SEC63: variants seen among roughly 807,000 people sequenced by gnomAD.
SEC63 encodes the protein translocation protein SEC63 homolog.
SEC63 carries 56 observed loss-of-function variants against 116.2 expected under a neutral mutation model. The ratio of observed to expected loss-of-function variants is 0.48; its 90% CI spans 0.39 to 0.60. SEC63 has a LOEUF of 0.60. Among genes scored for constraint, SEC63 ranks in the 20% least tolerant of loss-of-function variants. SEC63 has a pLI of 0.00. For missense variants in SEC63, 668 were observed against 900.0 expected, an observed-to-expected ratio of 0.74 and a Z score of 3.30; for synonymous variants, 273 against 294.6, an observed-to-expected ratio of 0.93 and a Z score of 0.75.
chr6:107,886,243 T>C (rs1235743077), intron 16 of SEC63, among the ~76,000 whole-genome samples: 1 of 152,224 alleles, frequency 6.6e-6, no homozygotes. Context: ...CCACATTTTC[T>C]TTATCCAGTC....
At chr6:107,953,895 G>A (rs1220539465) in intron 1 of SEC63, among the ~76,000 whole-genome samples, 1 of 151,384 alleles carries the variant, frequency 6.6e-6, no homozygotes, top group African/African-American at 2.4e-5. Context: ...GGTGAGGGGC[G>A]CCTCTCCTCA....
At chr6:107,894,469 T>C (rs1241390076) in intron 14 of SEC63, among the ~76,000 whole-genome samples, 5 of 150,628 alleles carry the variant, frequency 3.3e-5, no homozygotes, top group Non-Finnish European at 4.4e-5. Context: ...ACCCCAAGAG[T>C]TTGAGACTAA....
intron 16 of SEC63, among the ~76,000 whole-genome samples, chr6:107,889,129 CT>C (rs1411550237): frequency 6.6e-6 from 1 of 152,194 alleles, no homozygotes; most frequent in East Asian, 1.9e-4. Context: ...AGGATTCCCT[CT>C]TTTTCTGTTG....
intron 16 of SEC63, among the ~76,000 whole-genome samples, chr6:107,884,713 T>TA (rs1786489235): frequency 6.6e-6 from 1 of 152,060 alleles, no homozygotes; most frequent in African/African-American, 2.4e-5. Context: ...ATAAATCTGA[T>TA]ACAAAACCTG....
chr6:107,871,702 G>C lies in SEC63; in HGVS notation c.*2C>G. 1 of 1,612,036 alleles carries C rather than the reference G, an allele frequency of 6.2e-7. No individual in the cohort carries two copies. Among genetic ancestry groups the C allele is most frequent in the African/African-American group, 1.3e-5 (1 of 74,970 alleles). On this transcript the variant is annotated 3_prime_UTR_variant, in exon 21 of 21. Transcript: ENST00000369002. ...AACACTGTGGTCCATTCAGAGTACT[G>C]CTTAGTCATCATCTTCTTCTTCCTC...
intron 1 of SEC63, among the ~76,000 whole-genome samples, chr6:107,953,773 C>T (rs1365617831): frequency 1.1e-4 from 16 of 139,552 alleles, no homozygotes; most frequent in South Asian, 4.6e-4. Flanking sequence ...CCCGGCCAGC[C>T]GCCCCGTCCG....
At chr6:107,900,166 T>G (rs184420510) in intron 13 of SEC63, among the ~76,000 whole-genome samples, 27 of 151,362 alleles carry the variant, frequency 1.8e-4, no homozygotes, top group East Asian at 1.4e-3. Flanking sequence ...GTGTGTGTGT[T>G]TTTTTTTTAA....
chr6:107,940,261 A>G (rs1187055949), intron 1 of SEC63, among the ~76,000 whole-genome samples: 2 of 152,348 alleles, frequency 1.3e-5, no homozygotes, highest in South Asian at 4.1e-4. Flanking sequence ...TGCCTGAACA[A>G]TCTAAGTGCA....
At chr6:107,918,647 G>A (rs2744222) in intron 4 of SEC63, among the ~76,000 whole-genome samples, 131,280 of 150,560 alleles carry the variant, frequency 0.87, 57,396 homozygotes, top group Middle Eastern at 0.93. Flanking sequence ...AGCCAAGATC[G>A]CAGCAATGCA....
At chr6:107,927,708 A>G (rs971637054) in intron 2 of SEC63, among the ~76,000 whole-genome samples, 5 of 152,154 alleles carry the variant, frequency 3.3e-5, no homozygotes, top group Admixed American at 2.6e-4. Flanking sequence ...GTCCCTTGGT[A>G]TCCTCAGGGG....
chr6:107,868,129 T>TGTG lies in SEC63; in HGVS notation c.*3574_*3575insCAC, dbSNP rs10685655. 1 of 152,040 alleles carries TGTG rather than the reference T, an allele frequency of 6.6e-6. No homozygotes were observed. Among genetic ancestry groups the TGTG allele is most frequent in the Non-Finnish European group, 1.5e-5 (1 of 68,028 alleles). The allele number at this position is 152,040 out of a possible 1,614,324, so 9.4% of individuals were successfully genotyped here. A position where few individuals can be genotyped will look rare whatever the true frequency, so the allele number is the denominator to read the frequency against. ...ACTAATCACTACACAGCTGGCAAAATGTTATGGTTCACCAACAGTTATTTC... is the reference window on the plus strand; with the variant it reads ...ACTAATCACTACACAGCTGGCAAAATGTGGTTATGGTTCACCAACAGTTATTTC... On this transcript the variant is annotated 3_prime_UTR_variant, in exon 21 of 21. Transcript: ENST00000369002.
chr6:107,952,203 C>A (rs1261915121), intron 1 of SEC63, among the ~76,000 whole-genome samples: 1 of 152,072 alleles, frequency 6.6e-6, no homozygotes, highest in East Asian at 1.9e-4. Context: ...ACATGTTAAG[C>A]AGAAATCAAG....
intron 11 of SEC63, among the ~76,000 whole-genome samples, chr6:107,904,425 C>G (rs1353048647): frequency 6.7e-6 from 1 of 148,238 alleles, no homozygotes; most frequent in Non-Finnish European, 1.5e-5. Context: ...AAAAAAAGAA[C>G]AAAAAAAACC....
chr6:107,952,211 A>G (rs954695606), intron 1 of SEC63, among the ~76,000 whole-genome samples: 4 of 152,212 alleles, frequency 2.6e-5, no homozygotes, highest in African/African-American at 9.6e-5. Flanking sequence ...AGCAGAAATC[A>G]AGGCAAAAGT....
At chr6:107,903,375 TCATTC>T (rs1787053914) in intron 11 of SEC63, among the ~76,000 whole-genome samples, 1 of 151,834 alleles carries the variant, frequency 6.6e-6, no homozygotes, top group Non-Finnish European at 1.5e-5. Flanking sequence ...AGAAATTCCC[TCATTC>T]TTTTCCTTCC....
chr6:107,899,133 C>T (rs1313411107), intron 13 of SEC63, among the ~76,000 whole-genome samples: 4 of 152,186 alleles, frequency 2.6e-5, no homozygotes, highest in Non-Finnish European at 4.4e-5. Flanking sequence ...AAGAAAAGGA[C>T]TACAGGAGAT....
intron 12 of SEC63, among the ~76,000 whole-genome samples, chr6:107,901,830 A>G (rs1016412974): frequency 6.6e-6 from 1 of 152,072 alleles, no homozygotes; most frequent in Non-Finnish European, 1.5e-5. Context: ...TCCTCAGTTT[A>G]TTTTCAATTT....
chr6:107,934,606 C>A (rs1770151902), intron 1 of SEC63, among the ~76,000 whole-genome samples: 2 of 149,524 alleles, frequency 1.3e-5, no homozygotes, highest in South Asian at 4.3e-4. Flanking sequence ...GGCAGCCACC[C>A]CGTCCGGGAG....
chr6:107,874,418 C>A (rs1201922827), intron 19 of SEC63, among the ~76,000 whole-genome samples: 1 of 151,880 alleles, frequency 6.6e-6, no homozygotes, highest in East Asian at 1.9e-4. Flanking sequence ...CACAGTGAAA[C>A]CCCGTCTCTA....
Sources: gnomAD v4.1 joint callset for allele counts (sites outside exome capture counted in the v4.1 genomes callset) on GRCh38, gnomAD v4.1.1 for gene constraint, MANE v1.5 for transcripts, NCBI Gene and HGNC (gene_info 2026-07-23, HGNC 2026-07-21) for gene names.